TRIP12: variants seen among roughly 807,000 people sequenced by gnomAD.
The protein encoded by TRIP12 is thyroid hormone receptor interactor 12.
TRIP12 carries 25 observed loss-of-function variants against 244.2 expected under a neutral mutation model. The observed-to-expected ratio is 0.10, with a 90% CI of 0.07 to 0.14. The LOEUF (loss-of-function observed/expected upper bound fraction) is 0.14. Among genes scored for constraint, TRIP12 ranks in the 10% least tolerant of loss-of-function variants. The pLI, the probability that TRIP12 is intolerant of heterozygous loss-of-function variation, is 1.00. For synonymous variants in TRIP12, 905 were observed against 873.1 expected (o/e 1.04, Z -0.64); for missense variants, 1,677 against 2,486.4 (o/e 0.67, Z 6.92).
intron 1 of TRIP12, among the ~76,000 whole-genome samples, chr2:229,912,132 G>T (rs1368584001): frequency 2.0e-5 from 3 of 152,186 alleles, no homozygotes; most frequent in Admixed American, 6.5e-5. Flanking sequence ...TCCAACAGAG[G>T]ACTGGTGTGG....
At chr2:229,805,121 GGTCTCC>G (rs1358400812) in intron 18 of TRIP12, among the ~76,000 whole-genome samples, 1 of 151,976 alleles carries the variant, frequency 6.6e-6, no homozygotes, top group Non-Finnish European at 1.5e-5. Flanking sequence ...TAGCCAGGAT[GGTCTCC>G]ATCTCCTGAC....
At chr2:229,859,904 T>C (rs2060186745) in intron 3 of TRIP12, among the ~76,000 whole-genome samples, 2 of 152,206 alleles carry the variant, frequency 1.3e-5, no homozygotes, top group Non-Finnish European at 2.9e-5. Context: ...AGAATATTGA[T>C]GCCCTATTCA....
At chr2:229,818,036 G>A (rs1003625917) in intron 9 of TRIP12, among the ~76,000 whole-genome samples, 19 of 151,962 alleles carry the variant, frequency 1.3e-4, no homozygotes, top group African/African-American at 3.4e-4. Context: ...CTATTGCTCC[G>A]TGGATCACCA....
chr2:229,776,918 T>A (rs2036437531), intron 37 of TRIP12, among the ~76,000 whole-genome samples: 1 of 152,188 alleles, frequency 6.6e-6, no homozygotes, highest in Non-Finnish European at 1.5e-5. Flanking sequence ...AAAAATATCT[T>A]CCTGAGATCT....
intron 8 of TRIP12, among the ~76,000 whole-genome samples, chr2:229,819,970 A>G (rs2049602173): frequency 6.6e-6 from 1 of 152,208 alleles, no homozygotes; most frequent in Non-Finnish European, 1.5e-5. Flanking sequence ...ATAATTAAAA[A>G]TCCATCCAAA....
chr2:229,922,300 C>A (rs901499807), upstream of TRIP12: 4 of 576,652 alleles, frequency 6.9e-6, no homozygotes, highest in Admixed American at 1.2e-4. Flanking sequence ...GTAGCAGGAA[C>A]TAATTCCCCC....
Position 229,859,471 on chromosome 2 carries a change from T to C in TRIP12, c.328A>G (p.Asn110Asp). 2 of 1,614,216 alleles carry C rather than the reference T, an allele frequency of 1.2e-6. No individual in the cohort carries two copies. The highest frequency in any genetic ancestry group is 1.3e-5 in the African/African-American group (1 of 75,056). The stretch of plus-strand genomic sequence containing the variant: ...GCACTGCGCTTCACTCCTCGAGAAT[T>C]GTCTTTCTTAGGCACCTGCCCCGTT... The part of the protein sequence containing the change: ...QKTGQVPKKD[N>D]SRGVKRSASP... Residue 110 changes from asparagine (N) to aspartate (D), a missense_variant, in exon 4 of 42, where the codon AAT becomes GAT. By Grantham distance (23) the Asn-to-Asp change is conservative. Coordinates refer to ENST00000675903, the MANE Select transcript of TRIP12 (RefSeq NM_001348323.3).
At chr2:229,773,999 G>C (rs2035419736) in intron 38 of TRIP12, 98 bp downstream of exon 38, 3 of 1,305,310 alleles carry the variant, frequency 2.3e-6, no homozygotes, top group Non-Finnish European at 3.2e-6. Context: ...GATGTGGAAG[G>C]TCTCAAGCCA....
At chr2:229,893,178 T>C (rs2067819835) in intron 1 of TRIP12, among the ~76,000 whole-genome samples, 1 of 152,236 alleles carries the variant, frequency 6.6e-6, no homozygotes, top group Non-Finnish European at 1.5e-5. Flanking sequence ...TGTATCCATA[T>C]CCTCATTTAC....
In TRIP12 at chr2:229,890,795, C is replaced by T. The variant is rs115653168; in HGVS notation, c.-49-10667G>A. 7.0e-3 allele frequency among the ~76,000 whole-genome samples: 1,068 copies of T among 152,144 alleles called. 8 individuals carry two copies. Among genetic ancestry groups the T allele is most frequent in the Middle Eastern group, 0.051 (15 of 294 alleles). On this transcript the variant is annotated intron_variant, in intron 1 of 41. Transcript: ENST00000675903. ...AAATGCCATACTCTATAGACTAATG[C>T]CCCACATTTCTACATTTAGCATTTT... is the stretch of plus-strand genomic sequence containing the variant.
chr2:229,843,260 T>G (rs960607140), intron 4 of TRIP12, among the ~76,000 whole-genome samples: 51 of 152,298 alleles, frequency 3.3e-4, no homozygotes, highest in African/African-American at 1.1e-3. Context: ...TAAATGTAGA[T>G]GTACTCTTTT....
intron 5 of TRIP12, among the ~76,000 whole-genome samples, chr2:229,839,060 G>C (rs1015213496): frequency 1.3e-5 from 2 of 152,212 alleles, no homozygotes; most frequent in African/African-American, 4.8e-5. Context: ...CTACAGTCAT[G>C]TGCTGCATAA....
chr2:229,819,207 C>T (rs2049325627), intron 8 of TRIP12, among the ~76,000 whole-genome samples: 1 of 152,116 alleles, frequency 6.6e-6, no homozygotes, highest in African/African-American at 2.4e-5. Context: ...TCAACAACCA[C>T]AGAGAAGTAC....
intron 38 of TRIP12, among the ~76,000 whole-genome samples, chr2:229,772,620 C>T (rs946989532): frequency 2.2e-4 from 33 of 152,226 alleles, no homozygotes; most frequent in East Asian, 5.8e-4. Flanking sequence ...TGCACCACCA[C>T]GCCTGGCTAA....
chr2:229,860,494 G>A lies in TRIP12; in HGVS notation c.136C>T (p.Pro46Ser). ...GAATTAGATTTTCTACTCTCAGGAGGGCTATATCCCTTATGTTTTGCCTGC... is the reference window on the plus strand; with the variant it reads ...GAATTAGATTTTCTACTCTCAGGAGAGCTATATCCCTTATGTTTTGCCTGC... ...LGQAKHKGYS[P>S]PESRKSNSKA... Residue 46 changes from proline (P) to serine (S), a missense_variant, in exon 3 of 42, where the codon CCT becomes TCT. By Grantham distance (74) the Pro-to-Ser change is moderately conservative (BLOSUM62 -1). Transcript: ENST00000675903. 6.2e-7 allele frequency: 1 copy of A among 1,610,880 alleles called. No individual in the cohort carries two copies. The highest frequency in any genetic ancestry group is 8.5e-7 in the Non-Finnish European group (1 of 1,178,778).
rs543240368 is a variant in TRIP12 at position 229,766,066 on chromosome 2, A to G, written c.*1488T>C. 1 of 152,312 alleles carries G rather than the reference A, an allele frequency of 6.6e-6. No homozygotes were observed. The highest frequency in any genetic ancestry group is 2.4e-5 in the African/African-American group (1 of 41,564). The allele number at this position is 152,312 out of a possible 1,614,324, so 9.4% of individuals were successfully genotyped here. ...AAGGGCTTTTGTGTCAATTAATTAA[A>G]ACTTACAGAACAGTCAAAAAAATTG... On this transcript the variant is annotated 3_prime_UTR_variant, in exon 42 of 42. Transcript: ENST00000675903.
chr2:229,774,073 C>T (rs2035459177), intron 38 of TRIP12, 24 bp downstream of exon 38: 1 of 1,602,626 alleles, frequency 6.2e-7, no homozygotes, highest in Non-Finnish European at 8.5e-7. Context: ...AACTGGCCTA[C>T]CCCCCAAAGA....
intron 37 of TRIP12, among the ~76,000 whole-genome samples, chr2:229,775,540 T>C (rs1323544745): frequency 6.6e-6 from 1 of 151,766 alleles, no homozygotes; most frequent in Non-Finnish European, 1.5e-5. Context: ...AAATATCTTA[T>C]TTCTAAAGAT....
At chr2:229,772,564 A>G (rs1305044259) in intron 38 of TRIP12, among the ~76,000 whole-genome samples, 2 of 152,144 alleles carry the variant, frequency 1.3e-5, no homozygotes, top group Non-Finnish European at 2.9e-5. Context: ...CCTGGGTTCA[A>G]GCAATTCTCT....
Sources: allele counts gnomAD v4.1 joint callset (sites outside exome capture counted in the v4.1 genomes callset), GRCh38; gene constraint gnomAD v4.1.1; transcripts MANE v1.5; gene names NCBI Gene and HGNC (gene_info 2026-07-23, HGNC 2026-07-21).